Variants in NDC1 observed in about 807,000 individuals in gnomAD.
NDC1 encodes the protein nucleoporin NDC1.
Under a neutral mutation model 89.8 loss-of-function variants are expected in NDC1, and 24 were observed. The ratio of observed to expected loss-of-function variants is 0.27; its 90% CI spans 0.19 to 0.38. The LOEUF is 0.38. Ranked by LOEUF, NDC1 falls within the 10% of genes least tolerant of loss-of-function variation. NDC1 has a pLI of 1.00. For synonymous variants in NDC1, 296 were observed against 284.8 expected (o/e 1.04, Z -0.39); for missense variants, 728 against 797.6 (o/e 0.91, Z 1.05).
chr1:53,830,613 C>A (rs1195877230), intron 3 of NDC1, among the ~76,000 whole-genome samples: 2 of 152,140 alleles, frequency 1.3e-5, no homozygotes, highest in African/African-American at 4.8e-5. Flanking sequence ...GTAATCCCAA[C>A]ACTTTGGAAG....
chr1:53,793,803 C>G (rs1236161818), intron 13 of NDC1, among the ~76,000 whole-genome samples: 1 of 151,954 alleles, frequency 6.6e-6, no homozygotes, highest in Non-Finnish European at 1.5e-5. Flanking sequence ...CTTGCCCAGG[C>G]TGGTCTCAAA....
chr1:53,820,701 CTTTTTTTTTTT>C lies in NDC1; in HGVS notation c.595-1633_595-1623del, dbSNP rs927514677. ...AAAAATAAAAGATGTACTTCTCTCTCTTTTTTTTTTTTTTTTTTTTTTTTTGGAGATAAGAG... is the reference window on the plus strand; with the variant it reads ...AAAAATAAAAGATGTACTTCTCTCTCTTTTTTTTTTTTTTGGAGATAAGAG... On this transcript the variant is annotated intron_variant, in intron 5 of 17. Coordinates refer to ENST00000371429, the MANE Select transcript of NDC1 (RefSeq NM_018087.5). 2.2e-3 allele frequency among the ~76,000 whole-genome samples: 164 copies of C among 74,912 alleles called. 3 individuals carry two copies. Among genetic ancestry groups the C allele is most frequent in the South Asian group, 0.012 (28 of 2,278 alleles). 49.1% of individuals were successfully genotyped at this position (74,912 alleles called of 152,430 possible). A position where few individuals can be genotyped will look rare whatever the true frequency, so the allele number is the denominator to read the frequency against.
chr1:53,833,851 A>G (rs961443035), intron 2 of NDC1, among the ~76,000 whole-genome samples: 1 of 150,624 alleles, frequency 6.6e-6, no homozygotes, highest in Non-Finnish European at 1.5e-5. Flanking sequence ...TTTGAGATGG[A>G]GTCTCACTCT....
At chr1:53,837,201 A>T (rs913223071) in intron 1 of NDC1, among the ~76,000 whole-genome samples, 1 of 152,226 alleles carries the variant, frequency 6.6e-6, no homozygotes, top group Non-Finnish European at 1.5e-5. Context: ...CGGCTGAGGC[A>T]GGAGGACTAG....
chr1:53,779,925 ATTCCT>A (rs1309482046), intron 16 of NDC1, among the ~76,000 whole-genome samples: 8 of 151,964 alleles, frequency 5.3e-5, no homozygotes, highest in Non-Finnish European at 1.0e-4. Flanking sequence ...CCTCAAGAAT[ATTCCT>A]TTCTTTCCCC....
intron 3 of NDC1, among the ~76,000 whole-genome samples, chr1:53,829,466 C>G (rs72662332): frequency 0.11 from 16,126 of 152,250 alleles, 943 homozygotes; most frequent in Non-Finnish European, 0.13. Context: ...GTTTAAGGAT[C>G]ATCTCCTCAA....
At chr1:53,804,400 C>T (rs1044728525) in intron 9 of NDC1, among the ~76,000 whole-genome samples, 5 of 152,248 alleles carry the variant, frequency 3.3e-5, no homozygotes. Flanking sequence ...ACCCACCAAA[C>T]TGTGCGGCCC....
chr1:53,797,850 C>G (rs972698866), intron 11 of NDC1, among the ~76,000 whole-genome samples: 1 of 151,898 alleles, frequency 6.6e-6, no homozygotes, highest in African/African-American at 2.4e-5. Context: ...TGGTCTTGAA[C>G]TCCTGGGCTC....
At position 53,787,176 on chromosome 1, in the gene NDC1, A is replaced by T. The variant is rs1387364792; in HGVS notation, c.1782T>A (p.Thr594=). ...VQTTLPAILN[T]LLTLQEAVDK... is the part of the protein sequence containing the mutation. ...TTCTTACCTCTTGCAGTGTCAACAAAGTATTAAGGATAGCTGGTAGTGTCG... is the reference window on the plus strand; with the variant it reads ...TTCTTACCTCTTGCAGTGTCAACAATGTATTAAGGATAGCTGGTAGTGTCG... Residue 594 remains threonine, a synonymous_variant, in exon 16 of 18, where the codon ACT becomes ACA. Transcript: ENST00000371429. 1 of 1,604,128 alleles carries T rather than the reference A, an allele frequency of 6.2e-7. No individual in the cohort carries two copies.
intron 1 of NDC1, 34 bp from the exon 2 acceptor site, chr1:53,835,654 G>A (rs1190207816): frequency 6.3e-7 from 1 of 1,581,678 alleles, no homozygotes; most frequent in Non-Finnish European, 8.6e-7. Flanking sequence ...CACTCATGAA[G>A]TCAGTTAAAT....
At chr1:53,805,797 G>A (rs1035830999) in intron 9 of NDC1, among the ~76,000 whole-genome samples, 115 of 152,216 alleles carry the variant, frequency 7.6e-4, no homozygotes, top group African/African-American at 2.6e-3. Context: ...AATATTGGCC[G>A]GGCGCGGTGG....
In NDC1 at chr1:53,828,163, A is replaced by G. The variant is rs1217320314; in HGVS notation, c.291T>C (p.Ser97=). ...TCAGAGCTAGTCTGGAGCAAGGAAT[A>G]GAAGGCACAACTGCAAAGGAAACAC... is the stretch of plus-strand genomic sequence containing the variant. ...FNVEFYAVVP[S]IPCSRLALIG... is the part of the protein sequence containing the mutation. The change falls in exon 4 of 18, where the codon TCT becomes TCC. Residue 97 remains serine (S), a synonymous_variant. Transcript: ENST00000371429. The G allele has an allele frequency of 6.2e-7, 1 of 1,613,916 alleles. No homozygotes were observed. Among genetic ancestry groups the G allele is most frequent in the Non-Finnish European group, 8.5e-7 (1 of 1,179,944 alleles).
At chr1:53,789,305 C>G (rs1647408393) in intron 14 of NDC1, 109 bp from the exon 15 acceptor site, 1 of 621,374 alleles carries the variant, frequency 1.6e-6, no homozygotes, top group African/African-American at 1.9e-5. Context: ...AGCTGCCTCT[C>G]AAGAATTAAA....
intron 5 of NDC1, among the ~76,000 whole-genome samples, chr1:53,822,523 C>T (rs1169591023): frequency 6.6e-6 from 1 of 150,390 alleles, no homozygotes; most frequent in African/African-American, 2.4e-5. Flanking sequence ...TGGTAAACTG[C>T]TACCAGTTTA....
intron 10 of NDC1, 44 bp downstream of exon 10, chr1:53,803,884 T>C: frequency 6.9e-7 from 1 of 1,453,022 alleles, no homozygotes; most frequent in Non-Finnish European, 9.7e-7. Flanking sequence ...TGAATTACTT[T>C]CTACACACAT....
chr1:53,800,506 T>C (rs1418872035), intron 11 of NDC1, among the ~76,000 whole-genome samples, 187 bp downstream of exon 11: 2 of 151,730 alleles, frequency 1.3e-5, no homozygotes, highest in East Asian at 3.9e-4. Context: ...TTTGTATTTT[T>C]AGTAGAGACA....
intron 14 of NDC1, among the ~76,000 whole-genome samples, chr1:53,790,640 G>A (rs1049975587): frequency 1.8e-4 from 27 of 152,048 alleles, no homozygotes; most frequent in Non-Finnish European, 8.8e-5. Flanking sequence ...CCGGGAGGCA[G>A]AGGTTGCAGT....
intron 3 of NDC1, among the ~76,000 whole-genome samples, chr1:53,828,668 G>A (rs79610979): frequency 9.9e-5 from 15 of 152,026 alleles, no homozygotes; most frequent in Non-Finnish European, 5.9e-5. Context: ...CTGGAGTGCA[G>A]TGGCGCAATC....
intron 1 of NDC1, among the ~76,000 whole-genome samples, chr1:53,836,022 C>T (rs558418451): frequency 2.0e-5 from 3 of 152,116 alleles, no homozygotes; most frequent in African/African-American, 4.8e-5. Flanking sequence ...TGGGCAACTA[C>T]GGCACTGTAG....
Sources: allele counts gnomAD v4.1 joint callset (sites outside exome capture counted in the v4.1 genomes callset), GRCh38; gene constraint gnomAD v4.1.1; transcripts MANE v1.5; gene names NCBI Gene and HGNC (gene_info 2026-07-23, HGNC 2026-07-21).